Variants in GALC observed in about 807,000 individuals in gnomAD.
GALC encodes the protein galactosylceramidase.
A neutral mutation model predicts 91.8 loss-of-function variants in GALC; 77 were observed. The observed-to-expected ratio is 0.84, with a 90% CI of 0.70 to 1.01. GALC has a LOEUF of 1.01. GALC is among the 50% of genes least tolerant of loss of function. The pLI is 0.00. For missense variants in GALC, 882 were observed against 855.9 expected (o/e 1.03, Z -0.38); for synonymous variants, 357 against 306.7 (o/e 1.16, Z -1.71).
At chr14:87,954,090 G>C in intron 10 of GALC, 6 of 1,609,720 alleles carry the variant, frequency 3.7e-6, no homozygotes, top group Non-Finnish European at 5.1e-6. Context: ...ATTAAATCTT[G>C]GGAGTTATTC....
chr14:87,993,255 C>A, upstream of GALC: 2 of 1,540,784 alleles, frequency 1.3e-6, no homozygotes, highest in South Asian at 1.2e-5. Flanking sequence ...GCTGACGCCG[C>A]CGCCGCCATT....
chr14:87,993,506 G>A (rs1301165503), upstream of GALC: 1 of 1,529,134 alleles, frequency 6.5e-7, no homozygotes, highest in South Asian at 1.2e-5. Flanking sequence ...GCATCTCAGG[G>A]AGTATCTACC....
chr14:87,954,089 T>G, intron 10 of GALC: 8 of 1,609,786 alleles, frequency 5.0e-6, no homozygotes, highest in Non-Finnish European at 5.9e-6. Context: ...TATTAAATCT[T>G]GGGAGTTATT....
rs1357918318 is a variant in GALC, at chr14:87,965,607, C to T, written c.931G>A (p.Ala311Thr). 1 of 1,613,250 alleles carries T rather than the reference C, an allele frequency of 6.2e-7. No homozygotes were observed. Among genetic ancestry groups the T allele is most frequent in the Non-Finnish European group, 8.5e-7 (1 of 1,179,494 alleles). Residue 311 changes from alanine (A) to threonine (T), a missense_variant, in exon 9 of 17, where the codon GCT becomes ACT. By Grantham distance (58) the Ala-to-Thr change is moderately conservative. Transcript: ENST00000261304. ...MTSTIAWNLV[A>T]SYYEQLPYGR... ...TAAGGCAACTGTTCATAGTAACTAG[C>T]CACTAAATTCCATGCGATTGTGCTA... is the stretch of plus-strand genomic sequence containing the variant.
chr14:87,990,114 A>G (rs1432981941), intron 1 of GALC, among the ~76,000 whole-genome samples: 1 of 152,144 alleles, frequency 6.6e-6, no homozygotes, highest in Non-Finnish European at 1.5e-5. Flanking sequence ...CACCAGGTCC[A>G]TATCTTTATT....
intron 10 of GALC, chr14:87,954,832 A>T: frequency 6.2e-7 from 1 of 1,606,444 alleles, no homozygotes; most frequent in South Asian, 1.1e-5. Context: ...TAAGAACAGG[A>T]TCTACAAACA....
At chr14:87,984,057 G>A (rs28587714) in intron 5 of GALC, among the ~76,000 whole-genome samples, 27,652 of 149,722 alleles carry the variant, frequency 0.18, 3,654 homozygotes, top group African/African-American at 0.37. Context: ...CCCATAAGCT[G>A]TATAGGAAAC....
intron 9 of GALC, 143 bp downstream of exon 9, chr14:87,965,362 A>G (rs1217142109): frequency 2.3e-6 from 2 of 877,590 alleles, no homozygotes; most frequent in Non-Finnish European, 3.6e-6. Context: ...TATTCTTATA[A>G]AACACTGGCA....
At chr14:87,980,528 C>T (rs1248379462) in intron 6 of GALC, 19 of 977,340 alleles carry the variant, frequency 1.9e-5, no homozygotes, top group Non-Finnish European at 2.1e-5. Flanking sequence ...GTTCTTTGCA[C>T]ATGATATGCC....
intron 16 of GALC, among the ~76,000 whole-genome samples, chr14:87,936,629 C>T (rs1884579461): frequency 1.3e-5 from 2 of 151,680 alleles, no homozygotes; most frequent in Non-Finnish European, 2.9e-5. Flanking sequence ...TGCTGTATCC[C>T]TAGGACTTAG....
intron 10 of GALC, chr14:87,954,692 T>C: frequency 6.4e-7 from 1 of 1,554,734 alleles, no homozygotes; most frequent in Non-Finnish European, 8.9e-7. Context: ...TTCAGAGCTG[T>C]CATTTCCTAT....
chr14:87,939,390 G>A (rs565001799), intron 16 of GALC, among the ~76,000 whole-genome samples: 4 of 151,728 alleles, frequency 2.6e-5, no homozygotes, highest in Admixed American at 6.6e-5. Context: ...AAGCACTGTC[G>A]AGCAGTAACT....
chr14:87,941,625 C>A, intron 14 of GALC, 67 bp from the exon 15 acceptor site: 1 of 1,063,118 alleles, frequency 9.4e-7, no homozygotes, highest in South Asian at 1.3e-5. Context: ...ACAGATATGT[C>A]ATTTCACAGC....
At chr14:87,953,676 C>T in intron 10 of GALC, 1 of 1,608,782 alleles carries the variant, frequency 6.2e-7, no homozygotes, top group South Asian at 1.1e-5. Context: ...TATCTAGAGT[C>T]CTTCAAGTAG....
At chr14:87,987,281 G>A (rs1031784897) in intron 3 of GALC, among the ~76,000 whole-genome samples, 3 of 152,282 alleles carry the variant, frequency 2.0e-5, no homozygotes, top group Non-Finnish European at 2.9e-5. Context: ...TCTTCTTAAA[G>A]GTAAACATCA....
At chr14:87,944,149 A>G (rs1884971597) in intron 14 of GALC, among the ~76,000 whole-genome samples, 1 of 151,918 alleles carries the variant, frequency 6.6e-6, no homozygotes, top group African/African-American at 2.4e-5. Flanking sequence ...TGCTATTTAA[A>G]TTGTGAAGAT....
Position 87,953,731 on chromosome 14 carries a change from G to GA in GALC, c.1162-2984dup, listed in dbSNP as rs1433415799. ...TTCTAATGCAGGAGATTCTGTTGTA[G>GA]AAATGGATCAGAGGAATGTGTCTGA... is the stretch of plus-strand genomic sequence containing the variant. On this transcript the variant is annotated intron_variant, in intron 10 of 16. Transcript: ENST00000261304. The GA allele has an allele frequency of 9.4e-5, 151 of 1,607,410 alleles. No homozygotes were observed. The Middle Eastern group carries it at 2.0e-3, about 22-fold the overall frequency.
intron 6 of GALC, chr14:87,980,465 T>C: frequency 1.0e-6 from 1 of 975,646 alleles, no homozygotes; most frequent in Non-Finnish European, 1.2e-6. Context: ...CATTGTCTAA[T>C]CCATCTTTCA....
At chr14:87,985,507 G>A (rs1042694200) in intron 4 of GALC, among the ~76,000 whole-genome samples, 21 of 152,130 alleles carry the variant, frequency 1.4e-4, no homozygotes, top group Admixed American at 2.6e-4. Context: ...GCAGTCTAGT[G>A]GATATGTGCT....
Sources: allele counts gnomAD v4.1 joint callset (sites outside exome capture counted in the v4.1 genomes callset), GRCh38; gene constraint gnomAD v4.1.1; transcripts MANE v1.5; gene names NCBI Gene and HGNC (gene_info 2026-07-23, HGNC 2026-07-21).